DNAH5: variants seen among roughly 807,000 people sequenced by gnomAD.
DNAH5 encodes dynein axonemal heavy chain 5, also known as axonemal beta dynein heavy chain 5.
A neutral mutation model predicts 518.2 loss-of-function variants in DNAH5; 372 were observed. The ratio of observed to expected loss-of-function variants is 0.72; its 90% CI spans 0.66 to 0.78. The LOEUF (loss-of-function observed/expected upper bound fraction) is 0.78. DNAH5 is among the 30% of genes least tolerant of loss of function. The probability of loss-of-function intolerance (pLI) is 0.00; values close to 1 mark genes in which losing one functional copy is unlikely to be tolerated. For synonymous variants in DNAH5, 2,039 were observed against 2,025.9 expected, an observed-to-expected ratio of 1.01 and a Z score of -0.17; for missense variants, 5,523 against 5,687.0, an observed-to-expected ratio of 0.97 and a Z score of 0.93.
At position 13,780,963 on chromosome 5, in the gene DNAH5, T is replaced by C. The variant is rs746538081; in HGVS notation, c.8821-4A>G. On this transcript the variant is annotated splice_region_variant and splice_polypyrimidine_tract_variant and intron_variant, in intron 52 of 78. Coordinates refer to ENST00000265104, the MANE Select transcript of DNAH5 (RefSeq NM_001369.3). Reference sequence around the variant, plus strand: ...GAGTACGAATGACACGAGAGATCTGTAATATGGAACAGAAAAAGTATGTAT... The same window carrying C: ...GAGTACGAATGACACGAGAGATCTGCAATATGGAACAGAAAAAGTATGTAT... 11 of 1,613,560 alleles carry C rather than the reference T, an allele frequency of 6.8e-6. No homozygotes were observed. The Middle Eastern group carries it at 6.6e-4, about 97-fold the overall frequency.
chr5:13,749,332 G>A (rs1479621052), intron 65 of DNAH5, among the ~76,000 whole-genome samples: 1 of 152,140 alleles, frequency 6.6e-6, no homozygotes, highest in African/African-American at 2.4e-5. Context: ...CTGATAATGA[G>A]ATAATATTAA....
chr5:13,911,768 A>T (rs1424497392), intron 11 of DNAH5, among the ~76,000 whole-genome samples: 1 of 152,180 alleles, frequency 6.6e-6, no homozygotes. Flanking sequence ...GAAAATTGGG[A>T]AAGATTTTTT....
chr5:13,762,879 T>C lies in DNAH5; in HGVS notation c.10124A>G (p.Asn3375Ser). The C allele has an allele frequency of 6.2e-7, 1 of 1,613,906 alleles. No homozygotes were observed. Among genetic ancestry groups the C allele is most frequent in the South Asian group, 1.1e-5 (1 of 91,072 alleles). ...ACTCAAAAATTCTATCACCTCTTCATTGATTGTGTCTTTTGGGAATTGCTA... is the reference window on the plus strand; with the variant it reads ...ACTCAAAAATTCTATCACCTCTTCACTGATTGTGTCTTTTGGGAATTGCTA... The part of the protein sequence containing the change: ...NLQQFPKDTI[N>S]EEVIEFLSPY... The change falls in exon 60 of 79, where the codon AAT becomes AGT. Residue 3375 changes from asparagine (N) to serine (S), a missense_variant. Coordinates refer to ENST00000265104, the MANE Select transcript of DNAH5 (RefSeq NM_001369.3).
At chr5:13,752,358 T>C in intron 63 of DNAH5, 69 bp from the exon 64 acceptor site, 1 of 1,545,798 alleles carries the variant, frequency 6.5e-7, no homozygotes, top group Non-Finnish European at 8.9e-7. Flanking sequence ...GATAACTGTT[T>C]TCAAATGAAG....
At chr5:13,998,723 G>A (rs879569216) in intron 1 of DNAH5, among the ~76,000 whole-genome samples, 1 of 152,196 alleles carries the variant, frequency 6.6e-6, no homozygotes, top group Non-Finnish European at 1.5e-5. Flanking sequence ...TTCTTTCTGA[G>A]AGGATGACAA....
intron 16 of DNAH5, among the ~76,000 whole-genome samples, chr5:13,893,162 T>C (rs1030483092): frequency 2.8e-4 from 43 of 152,142 alleles, no homozygotes; most frequent in Non-Finnish European, 1.5e-5. Flanking sequence ...TAAGACAAGC[T>C]CTTGACAATT....
chr5:13,858,822 T>C (rs1767984673), intron 30 of DNAH5, among the ~76,000 whole-genome samples: 1 of 152,190 alleles, frequency 6.6e-6, no homozygotes, highest in Non-Finnish European at 1.5e-5. Flanking sequence ...AAATATATTG[T>C]TAAAATGTTA....
chr5:13,923,475 C>A, intron 3 of DNAH5, 35 bp from the exon 4 acceptor site: 1 of 1,612,300 alleles, frequency 6.2e-7, no homozygotes. Context: ...TTCACAAATG[C>A]TTTTTGCAGT....
Position 13,988,727 on chromosome 5 carries a change from C to CTTTTTTTTTTTTTTT in DNAH5, c.12+22920_12+22921insAAAAAAAAAAAAAAA, listed in dbSNP as rs528130556. Among the ~76,000 whole-genome samples the CTTTTTTTTTTTTTTT allele has an allele frequency of 6.4e-4, 81 of 126,610 alleles. 3 individuals carry two copies. The highest frequency in any genetic ancestry group is 2.3e-3 in the African/African-American group (76 of 32,570). The allele number at this position is 126,610 out of a possible 152,430, so 83.1% of individuals were successfully genotyped here. ...ATGAGCCACTGCACCCAGCCCAAAT[C>CTTTTTTTTTTTTTTT]TTTTTTTTTTTTGAGACAGAGTCTT... On this transcript the variant is annotated intron_variant, in intron 1 of 78. Transcript: ENST00000681290.
chr5:13,886,804 G>A (rs908231977), intron 17 of DNAH5, among the ~76,000 whole-genome samples: 1 of 152,054 alleles, frequency 6.6e-6, no homozygotes. Flanking sequence ...TCCTTGCTCT[G>A]CATGATCCTG....
chr5:13,707,209 G>A lies in DNAH5; in HGVS notation c.13338+914C>T, dbSNP rs950148099. On this transcript the variant is annotated intron_variant, in intron 76 of 78. Coordinates refer to ENST00000265104, the MANE Select transcript of DNAH5 (RefSeq NM_001369.3). The surrounding 1 kb of genome is among the most constrained non-coding windows in gnomAD (Gnocchi z 4.0). Reference sequence around the variant, plus strand: ...CTCAGGCATGGTCAGAGAAGAGTCCGGTCACTGGGCGGCCCAACTCCAGGG... The same window carrying A: ...CTCAGGCATGGTCAGAGAAGAGTCCAGTCACTGGGCGGCCCAACTCCAGGG... Among the ~76,000 whole-genome samples, 8 of 152,182 alleles carry A rather than the reference G, an allele frequency of 5.3e-5. No individual in the cohort carries two copies. Among genetic ancestry groups the A allele is most frequent in the Admixed American group, 1.3e-4 (2 of 15,274 alleles).
chr5:13,876,325 C>A (rs1256143083), intron 22 of DNAH5, among the ~76,000 whole-genome samples: 1 of 152,048 alleles, frequency 6.6e-6, no homozygotes, highest in Non-Finnish European at 1.5e-5. Flanking sequence ...TGACTACAAA[C>A]CTTATTCTAT....
At chr5:13,986,685 C>A (rs754987778) in intron 1 of DNAH5, among the ~76,000 whole-genome samples, 3 of 152,180 alleles carry the variant, frequency 2.0e-5, no homozygotes, top group Admixed American at 1.3e-4. Context: ...TCACTACCCA[C>A]GCTGTAATTC....
At chr5:13,724,190 C>A (rs541742785) in intron 70 of DNAH5, among the ~76,000 whole-genome samples, 2 of 152,368 alleles carry the variant, frequency 1.3e-5, no homozygotes, top group South Asian at 4.1e-4. Context: ...TCGGTCTCCC[C>A]ATCTTCTCAA....
Position 13,691,929 on chromosome 5 carries a change from C to T in DNAH5, c.*55G>A. ...AGCAGTCATACAGAAATAAAGGTTACAATAATTTAGATCTTGCATTTTCCA... is the reference window on the plus strand; with the variant it reads ...AGCAGTCATACAGAAATAAAGGTTATAATAATTTAGATCTTGCATTTTCCA... On this transcript the variant is annotated 3_prime_UTR_variant, in exon 79 of 79. Transcript: ENST00000265104. 3.1e-6 allele frequency: 5 copies of T among 1,609,302 alleles called. No individual in the cohort carries two copies. The highest frequency in any genetic ancestry group is 4.3e-6 in the Non-Finnish European group (5 of 1,175,842).
rs748171209 is a variant in DNAH5, at chr5:13,793,933, T to C, written c.8010+3A>G. ...AATAAAATGCACAATAGAATGATGA[T>C]ACCTGATCTCCCCACTCATTGATTA... On this transcript the variant is annotated splice_donor_region_variant and intron_variant, in intron 48 of 78. Transcript: ENST00000265104. 2.5e-6 allele frequency: 4 copies of C among 1,613,738 alleles called. No individual in the cohort carries two copies. In the Admixed American group the frequency reaches 5.0e-5, roughly 20 times the overall value.
At chr5:13,752,049 C>A (rs1750305871) in intron 64 of DNAH5, 85 bp downstream of exon 64, 1 of 1,406,620 alleles carries the variant, frequency 7.1e-7, no homozygotes, top group African/African-American at 1.4e-5. Context: ...TAAGTTGTTG[C>A]CTATTGAGAG....
At chr5:13,980,864 C>T (rs1035586270) in intron 1 of DNAH5, among the ~76,000 whole-genome samples, 1 of 152,206 alleles carries the variant, frequency 6.6e-6, no homozygotes, top group African/African-American at 2.4e-5. Flanking sequence ...TCAGCTGTTA[C>T]ATTAAGATGC....
In DNAH5 at chr5:13,899,048, G is replaced by T. The variant is rs148399565; in HGVS notation, c.2259+1158C>A. On this transcript the variant is annotated intron_variant, in intron 15 of 78. Coordinates refer to ENST00000265104, the MANE Select transcript of DNAH5 (RefSeq NM_001369.3). ...TAGGTTCAAGAGATTCTCCTGCCTC[G>T]GCCTCCCAAGTAGCTGAGATTACAG... The T allele has an allele frequency of 7.6e-3, 1,168 of 154,206 alleles. 5 individuals are homozygous for T. The highest frequency in any genetic ancestry group is 0.012 in the Non-Finnish European group (810 of 69,524). 9.6% of individuals were successfully genotyped at this position (154,206 alleles called of 1,614,324 possible).
Sources: gnomAD v4.1 joint callset for allele counts (sites outside exome capture counted in the v4.1 genomes callset) on GRCh38, gnomAD v4.1.1 for gene constraint, Gnocchi (gnomAD v3.1) non-coding constraint, MANE v1.5 for transcripts, NCBI Gene and HGNC (gene_info 2026-07-23, HGNC 2026-07-21) for gene names.